PJA2: variants seen among roughly 807,000 people sequenced by gnomAD.
PJA2 encodes the protein praja ring finger ubiquitin ligase 2, also known as E3 ubiquitin-protein ligase Praja-2.
In PJA2, 25 loss-of-function variants were observed where a neutral mutation model predicts 69.3. The ratio of observed to expected loss-of-function variants is 0.36; its 90% CI spans 0.26 to 0.50. The LOEUF is 0.50. Ranked by LOEUF, PJA2 falls within the 20% of genes least tolerant of loss-of-function variation. PJA2 has a pLI of 0.96. For synonymous variants in PJA2, 308 were observed against 277.8 expected, an observed-to-expected ratio of 1.11 and a Z score of -1.08; for missense variants, 809 against 830.2, an observed-to-expected ratio of 0.97 and a Z score of 0.31.
intron 3 of PJA2, among the ~76,000 whole-genome samples, chr5:109,381,101 G>GT (rs1312438234): frequency 6.7e-6 from 1 of 149,256 alleles, no homozygotes; most frequent in African/African-American, 2.5e-5. Flanking sequence ...GCAACAGAAC[G>GT]TGACTCCATC....
chr5:109,405,424 C>T (rs982620640), intron 1 of PJA2, among the ~76,000 whole-genome samples: 4 of 152,072 alleles, frequency 2.6e-5, no homozygotes, highest in African/African-American at 9.7e-5. Context: ...CACGCAGCCT[C>T]TAAAAGCTTT....
intron 1 of PJA2, among the ~76,000 whole-genome samples, chr5:109,395,114 A>C (rs557402806): frequency 6.6e-6 from 1 of 152,292 alleles, no homozygotes; most frequent in African/African-American, 2.4e-5. Flanking sequence ...AAGTCACCTC[A>C]CTCTCAACCC....
At chr5:109,380,086 CTTTTTT>C (rs35217352) in intron 3 of PJA2, among the ~76,000 whole-genome samples, 1 of 74,228 alleles carries the variant, frequency 1.3e-5, no homozygotes, top group Non-Finnish European at 2.6e-5. Flanking sequence ...ACGAAGGGTT[CTTTTTT>C]TTTTTTTTTT....
At chr5:109,399,998 A>G (rs1162032549) in intron 1 of PJA2, among the ~76,000 whole-genome samples, 1 of 152,164 alleles carries the variant, frequency 6.6e-6, no homozygotes, top group Admixed American at 6.5e-5. Flanking sequence ...AGTGAGCTCA[A>G]GATAAATCAG....
chr5:109,373,436 G>C (rs781626546), intron 4 of PJA2, among the ~76,000 whole-genome samples: 1 of 152,050 alleles, frequency 6.6e-6, no homozygotes, highest in Admixed American at 6.6e-5. Context: ...ATATGGAGAA[G>C]AGGAAAATAA....
chr5:109,344,235 A>G lies in PJA2; in HGVS notation c.1956T>C (p.Cys652=). The change falls in exon 9 of 10, where the codon TGT becomes TGC. Residue 652 remains cysteine, a synonymous_variant. Transcript: ENST00000361189. The stretch of plus-strand genomic sequence containing the variant: ...CACAAGGTTTGTGAAAGAAATGGTG[A>G]CAGGGCAACTCTGTTGCTATATCAT... ...IKDDIATELP[C]HHFFHKPCVS... The G allele has an allele frequency of 1.9e-6, 3 of 1,611,898 alleles. No homozygotes were observed. The highest frequency in any genetic ancestry group is 2.5e-6 in the Non-Finnish European group (3 of 1,178,854).
At chr5:109,365,468 T>C (rs765758792) in intron 5 of PJA2, among the ~76,000 whole-genome samples, 13 of 150,138 alleles carry the variant, frequency 8.7e-5, no homozygotes, top group Non-Finnish European at 1.5e-4. Flanking sequence ...TGTACACATA[T>C]ATGCTTTTAT....
intron 1 of PJA2, among the ~76,000 whole-genome samples, chr5:109,400,621 A>G (rs1582631564): frequency 6.6e-6 from 1 of 152,168 alleles, no homozygotes; most frequent in Admixed American, 6.5e-5. Context: ...AAAGCAGTAT[A>G]AATACAAAAC....
At chr5:109,383,608 A>T (rs758190939) in intron 1 of PJA2, 88 bp from the exon 2 acceptor site, 73 of 501,984 alleles carry the variant, frequency 1.5e-4, no homozygotes, top group Non-Finnish European at 2.3e-4. Flanking sequence ...GTGAAGTCTT[A>T]TAATAAAACT....
intron 1 of PJA2, among the ~76,000 whole-genome samples, chr5:109,398,977 C>T (rs1747479929): frequency 6.6e-6 from 1 of 151,878 alleles, no homozygotes; most frequent in South Asian, 2.1e-4. Flanking sequence ...TTTGGGAGGC[C>T]AAGGTGGGAG....
intron 7 of PJA2, among the ~76,000 whole-genome samples, chr5:109,346,967 AT>A (rs1762181614): frequency 6.6e-6 from 1 of 152,218 alleles, no homozygotes; most frequent in African/African-American, 2.4e-5. Flanking sequence ...CAAACATAAT[AT>A]TTATACATGC....
intron 2 of PJA2, among the ~76,000 whole-genome samples, chr5:109,382,064 A>G (rs773161807): frequency 6.6e-6 from 1 of 152,160 alleles, no homozygotes; most frequent in African/African-American, 2.4e-5. Flanking sequence ...TACCTTATAT[A>G]TTATATTAAT....
chr5:109,356,897 T>G (rs542435520), intron 6 of PJA2, among the ~76,000 whole-genome samples: 1 of 152,188 alleles, frequency 6.6e-6, no homozygotes, highest in Admixed American at 6.5e-5. Flanking sequence ...TGTCTCACTT[T>G]GGTCCTACTC....
chr5:109,403,089 T>C (rs1339384845), intron 1 of PJA2, among the ~76,000 whole-genome samples: 2 of 151,176 alleles, frequency 1.3e-5, no homozygotes, highest in African/African-American at 4.9e-5. Flanking sequence ...AAAAGTTGAC[T>C]CTGAAAAGAT....
At chr5:109,352,796 G>C (rs1762277759) in intron 7 of PJA2, among the ~76,000 whole-genome samples, 1 of 151,016 alleles carries the variant, frequency 6.6e-6, no homozygotes, top group South Asian at 2.1e-4. Context: ...ATCTATATTA[G>C]ATATGTATAT....
At chr5:109,353,548 T>TA (rs200234536) in intron 7 of PJA2, among the ~76,000 whole-genome samples, 38,492 of 136,404 alleles carry the variant, frequency 0.28, 9,931 homozygotes, top group African/African-American at 0.68. Flanking sequence ...CATAGATATC[T>TA]ATATATTAGA....
At chr5:109,388,508 G>A (rs1364894911) in intron 1 of PJA2, among the ~76,000 whole-genome samples, 1 of 152,046 alleles carries the variant, frequency 6.6e-6, no homozygotes, top group Non-Finnish European at 1.5e-5. Flanking sequence ...CCTGCAACAG[G>A]TAACAAATAC....
intron 6 of PJA2, among the ~76,000 whole-genome samples, chr5:109,359,721 T>C (rs1762479260): frequency 1.3e-5 from 2 of 152,288 alleles, no homozygotes; most frequent in South Asian, 4.1e-4. Context: ...CTAAATACAA[T>C]GAAAGATCTA....
chr5:109,379,113 C>T lies in PJA2; in HGVS notation c.374G>A (p.Ser125Asn). ...SSQSFVAVHH[S>N]EEGRDTLGSS... Reference sequence around the variant, plus strand: ...TCCTAAGGTATCCCTGCCTTCCTCACTGTGATGTACTGCAACAAAGGATTG... The same window carrying T: ...TCCTAAGGTATCCCTGCCTTCCTCATTGTGATGTACTGCAACAAAGGATTG... The change falls in exon 4 of 10, where the codon AGT becomes AAT. Residue 125 changes from serine (S) to asparagine (N), a missense_variant. Physicochemically the swap from Ser to Asn is conservative, Grantham distance 46. This residue lies in a region of PJA2 where 700 missense variants were observed against 639.5 expected (regional missense o/e 1.09). Transcript: ENST00000361189. The T allele has an allele frequency of 6.2e-7, 1 of 1,614,106 alleles. No homozygotes were observed. The highest frequency in any genetic ancestry group is 1.1e-5 in the South Asian group (1 of 91,070).
Sources: gnomAD v4.1 joint callset for allele counts (sites outside exome capture counted in the v4.1 genomes callset) on GRCh38, gnomAD v4.1.1 for gene constraint, gnomAD v4.1.1 regional missense constraint, MANE v1.5 for transcripts, NCBI Gene and HGNC (gene_info 2026-07-23, HGNC 2026-07-21) for gene names.